The following YKT6 variants were observed in gnomAD, a reference collection of about 807,000 sequenced individuals.
The protein encoded by YKT6 is synaptobrevin homolog YKT6.
In YKT6, 12 loss-of-function variants were observed where a neutral mutation model predicts 29.3. The observed-to-expected ratio is 0.41, with a 90% CI of 0.26 to 0.66. The LOEUF (loss-of-function observed/expected upper bound fraction) is 0.66. Among genes scored for constraint, YKT6 ranks in the 30% least tolerant of loss-of-function variants. YKT6 has a pLI of 0.32. For missense variants in YKT6, 188 were observed against 243.8 expected, an observed-to-expected ratio of 0.77 and a Z score of 1.52; for synonymous variants, 86 against 94.3, an observed-to-expected ratio of 0.91 and a Z score of 0.51.
chr7:44,212,273 C>T lies in YKT6; in HGVS notation c.588C>T (p.Ala196=). Reference sequence around the variant, plus strand: ...CCCGGAAACAAAACTCATGCTGTGCCATCATGTGATGCAGCCTGCCAGAGG... The same window carrying T: ...CCCGGAAACAAAACTCATGCTGTGCTATCATGTGATGCAGCCTGCCAGAGG... ...KTARKQNSCC[A]IM Residue 196 remains alanine, a synonymous_variant, in exon 7 of 7, where the codon GCC becomes GCT. Coordinates refer to ENST00000223369, the MANE Select transcript of YKT6 (RefSeq NM_006555.4). 6.2e-6 allele frequency: 10 copies of T among 1,613,990 alleles called. No individual in the cohort carries two copies. The highest frequency in any genetic ancestry group is 1.1e-5 in the South Asian group (1 of 91,080).
At chr7:44,208,317 A>G in intron 5 of YKT6, 119 bp downstream of exon 5, 1 of 1,132,082 alleles carries the variant, frequency 8.8e-7, no homozygotes. Context: ...ACTCTCCAGC[A>G]AGTGGGATTG....
Position 44,201,017 on chromosome 7 carries a change from TCAGCAGC to T in YKT6, c.-117_-111del. 1 of 770,862 alleles carries T rather than the reference TCAGCAGC, an allele frequency of 1.3e-6. No individual in the cohort carries two copies. The highest frequency in any genetic ancestry group is 2.0e-6 in the Non-Finnish European group (1 of 509,766). The allele number at this position is 770,862 out of a possible 1,614,324, so 47.8% of individuals were successfully genotyped here. ...GAGGAGGAAGCCGGCGGTGGCCCCG[TCAGCAGC>T]CGGCTGCTGAGAGGCCGGTAGGCGG... On this transcript the variant is annotated 5_prime_UTR_variant, in exon 1 of 7. Coordinates refer to ENST00000223369, the MANE Select transcript of YKT6 (RefSeq NM_006555.4).
At chr7:44,207,156 G>A (rs971150785) in intron 3 of YKT6, among the ~76,000 whole-genome samples, 8 of 152,134 alleles carry the variant, frequency 5.3e-5, no homozygotes, top group African/African-American at 1.9e-4. Flanking sequence ...CTCGGGCTGG[G>A]CATACTTTTG....
Position 44,213,700 on chromosome 7 carries a change from G to A in YKT6, c.*1418G>A. On this transcript the variant is annotated 3_prime_UTR_variant, in exon 7 of 7. Coordinates refer to ENST00000223369, the MANE Select transcript of YKT6 (RefSeq NM_006555.4). ...TGCCACACTGCTGAGAGCACCCACT[G>A]TCCTGACCAGAGTCTCAGTGGTCCT... is the stretch of plus-strand genomic sequence containing the variant. The A allele has an allele frequency of 6.6e-6, 1 of 152,470 alleles. No homozygotes were observed. The allele number at this position is 152,470 out of a possible 1,614,324, so 9.4% of individuals were successfully genotyped here. A position where few individuals can be genotyped will look rare whatever the true frequency, so the allele number is the denominator to read the frequency against.
chr7:44,207,603 T>C lies in YKT6; in HGVS notation c.393+111T>C, dbSNP rs1254291084. ...TCTAATTACTTCTGACAGCTTCTGA[T>C]GCTGGTGTCCTCTCTCAAGCCTTAC... On this transcript the variant is annotated intron_variant, in intron 4 of 6. Transcript: ENST00000223369. 1.1e-5 allele frequency: 10 copies of C among 876,130 alleles called. No homozygotes were observed. The Admixed American group carries it at 1.4e-4, about 12-fold the overall frequency. The allele number at this position is 876,130 out of a possible 1,614,324, so 54.3% of individuals were successfully genotyped here. A position where few individuals can be genotyped will look rare whatever the true frequency, so the allele number is the denominator to read the frequency against.
Position 44,207,498 on chromosome 7 carries a change from G to A in YKT6, c.393+6G>A, listed in dbSNP as rs369320488. The A allele has an allele frequency of 2.5e-6, 4 of 1,613,160 alleles. No homozygotes were observed. Among genetic ancestry groups the A allele is most frequent in the Non-Finnish European group, 2.5e-6 (3 of 1,179,366 alleles). On this transcript the variant is annotated splice_donor_region_variant and intron_variant, in intron 4 of 6. Transcript: ENST00000223369. The stretch of plus-strand genomic sequence containing the variant: ...GTCACCTCAGTAGATACCAGGTAGG[G>A]TTAAAGGAAGCTTCAGCAGACACCA...
At chr7:44,206,531 A>G (rs778714703) in intron 3 of YKT6, 46 bp downstream of exon 3, 1 of 1,510,926 alleles carries the variant, frequency 6.6e-7, no homozygotes, top group African/African-American at 1.4e-5. Context: ...ATGAATGGGC[A>G]CATTTATGGA....
chr7:44,204,944 A>T (rs2096339327), intron 2 of YKT6, among the ~76,000 whole-genome samples: 1 of 152,154 alleles, frequency 6.6e-6, no homozygotes, highest in Admixed American at 6.5e-5. Flanking sequence ...AGAGTTGCAG[A>T]CCCCTCAAAA....
chr7:44,207,830 A>G (rs553072067), intron 4 of YKT6, among the ~76,000 whole-genome samples: 1 of 151,966 alleles, frequency 6.6e-6, no homozygotes, highest in South Asian at 2.1e-4. Context: ...GGTTCAAGCG[A>G]TTCTCCTGCC....
chr7:44,211,242 A>G, intron 6 of YKT6, 118 bp downstream of exon 6: 2 of 951,278 alleles, frequency 2.1e-6, no homozygotes, highest in Admixed American at 4.9e-5. Context: ...ATCATGGTGG[A>G]TGATTCCTTG....
At chr7:44,207,630 G>A (rs1413760925) in intron 4 of YKT6, 138 bp downstream of exon 4, 2 of 730,594 alleles carry the variant, frequency 2.7e-6, no homozygotes, top group East Asian at 2.8e-5. Context: ...AAGCCTTACT[G>A]TTTGGAAAAC....
chr7:44,207,448 A>G lies in YKT6; in HGVS notation c.349A>G (p.Thr117Ala). 1 of 1,614,168 alleles carries G rather than the reference A, an allele frequency of 6.2e-7. No homozygotes were observed. The highest frequency in any genetic ancestry group is 8.5e-7 in the Non-Finnish European group (1 of 1,180,008). Residue 117 changes from threonine (T) to alanine (A), a missense_variant, in exon 4 of 7, where the codon ACA becomes GCA. Thr to Ala is a moderately conservative substitution (Grantham distance 58). This residue lies in a region of YKT6 where 100 missense variants were observed against 136.3 expected (regional missense o/e 0.73). Transcript: ENST00000223369. ...AGACTGGCCAGTAGGATCCCCTGCT[A>G]CAATCCATTACCCAGCCCTGGATGG... is the stretch of plus-strand genomic sequence containing the variant. The part of the protein sequence containing the change: ...RIDWPVGSPA[T>A]IHYPALDGHL...
chr7:44,202,885 A>G (rs373001540), intron 1 of YKT6, among the ~76,000 whole-genome samples: 4 of 152,268 alleles, frequency 2.6e-5, no homozygotes, highest in African/African-American at 9.6e-5. Context: ...TGCTTTTCTC[A>G]GATGGAACTT....
At chr7:44,209,029 C>T (rs34256495) in intron 5 of YKT6, among the ~76,000 whole-genome samples, 10,227 of 152,282 alleles carry the variant, frequency 0.067, 363 homozygotes, top group East Asian at 0.086. Context: ...GCCTTTCTGA[C>T]CAGATGTCAC....
chr7:44,212,185 G>T, intron 6 of YKT6, 62 bp from the exon 7 acceptor site: 1 of 1,608,790 alleles, frequency 6.2e-7, no homozygotes. Context: ...ACGCCTGCCA[G>T]GATTGGGGCT....
intron 5 of YKT6, 76 bp from the exon 6 acceptor site, chr7:44,210,947 C>G: frequency 6.6e-7 from 1 of 1,506,634 alleles, no homozygotes; most frequent in Non-Finnish European, 9.2e-7. Context: ...GCACTTTCCC[C>G]CATGACTGAA....
intron 2 of YKT6, among the ~76,000 whole-genome samples, chr7:44,205,155 T>C (rs769046222): frequency 3.9e-5 from 6 of 152,232 alleles, no homozygotes; most frequent in African/African-American, 9.6e-5. Context: ...CTCACACTTA[T>C]GCTAACCTCA....
Position 44,207,381 on chromosome 7 carries a change from C to A in YKT6, c.289-7C>A. 6.2e-7 allele frequency: 1 copy of A among 1,613,660 alleles called. No homozygotes were observed. Among genetic ancestry groups the A allele is most frequent in the Non-Finnish European group, 8.5e-7 (1 of 1,179,732 alleles). ...GGGAGGCTTGTTGAGTCTCCTTTGT[C>A]TTGCAGGTACTAGATGAATTCTCCA... On this transcript the variant is annotated splice_region_variant and splice_polypyrimidine_tract_variant and intron_variant, in intron 3 of 6. Coordinates refer to ENST00000223369, the MANE Select transcript of YKT6 (RefSeq NM_006555.4).
intron 5 of YKT6, among the ~76,000 whole-genome samples, chr7:44,209,369 G>A (rs2096344305): frequency 6.6e-6 from 1 of 152,196 alleles, no homozygotes; most frequent in Admixed American, 6.5e-5. Flanking sequence ...AGATGTGAAA[G>A]TCTCATGGTA....
Sources: allele counts gnomAD v4.1 joint callset (sites outside exome capture counted in the v4.1 genomes callset), GRCh38; gene constraint gnomAD v4.1.1; regional missense constraint gnomAD v4.1.1; transcripts MANE v1.5; gene names NCBI Gene and HGNC (gene_info 2026-07-23, HGNC 2026-07-21).